KLHL13: variants seen among roughly 807,000 people sequenced by gnomAD.
KLHL13 encodes kelch like family member 13.
KLHL13 carries 10 observed loss-of-function variants against 37.1 expected under a neutral mutation model. The ratio of observed to expected loss-of-function variants is 0.27; its 90% confidence interval spans 0.17 to 0.46. The LOEUF (loss-of-function observed/expected upper bound fraction) is 0.46. KLHL13 is among the 20% of genes least tolerant of loss of function. The pLI, the probability that KLHL13 is intolerant of heterozygous loss-of-function variation, is 1.00. For synonymous variants in KLHL13, 163 were observed against 181.2 expected (o/e 0.90, Z 0.81); for missense variants, 360 against 509.3 (o/e 0.71, Z 2.82).
upstream of KLHL13, among the ~76,000 whole-genome samples, chrX:117,978,623 C>T (rs148194048): frequency 1.4e-4 from 16 of 110,741 alleles, no homozygotes; most frequent in Non-Finnish European, 1.9e-4. Flanking sequence ...AGAGACTGAG[C>T]AGAGAACAAA....
At chrX:117,901,207 T>C (rs755738018) in intron 6 of KLHL13, among the ~76,000 whole-genome samples, 2 of 111,679 alleles carry the variant, frequency 1.8e-5, no homozygotes, top group Admixed American at 9.5e-5. Context: ...GTTTTATGCA[T>C]AGGAGAACTT....
intron 1 of KLHL13, among the ~76,000 whole-genome samples, chrX:117,967,014 T>C (rs2147884156): frequency 9.0e-6 from 1 of 111,598 alleles, no homozygotes; most frequent in African/African-American, 3.3e-5. Flanking sequence ...AGACTTCATG[T>C]CTGAAACACC....
intron 1 of KLHL13, chrX:117,947,107 A>G (rs2147807828): frequency 8.9e-6 from 1 of 112,108 alleles, no homozygotes; most frequent in East Asian, 2.8e-4. Flanking sequence ...CTTTAAAGAG[A>G]ATTAAGTTAT....
rs6645426 is a variant in KLHL13, at chrX:117,950,398, C to T, written c.99-4823G>A. Among the ~76,000 whole-genome samples the T allele has an allele frequency of 7.2e-3, 794 of 110,949 alleles. 6 individuals carry two copies. Among genetic ancestry groups the T allele is most frequent in the African/African-American group, 0.023 (701 of 30,548 alleles). ...AGGGGAATCACTTGAACCTGGGGGG[C>T]GGAGGGTGCAGTGAGCCGAGACTGT... is the stretch of plus-strand genomic sequence containing the variant. On this transcript the variant is annotated intron_variant, in intron 1 of 6. Transcript: ENST00000262820.
At chrX:118,012,277 T>C (rs1338032970) in intron 1 of KLHL13, among the ~76,000 whole-genome samples, 2 of 112,179 alleles carry the variant, frequency 1.8e-5, no homozygotes, top group African/African-American at 3.2e-5. Flanking sequence ...TGATCACAAA[T>C]GGTGGCTTTA....
At chrX:117,966,922 A>G (rs1377664254) in intron 1 of KLHL13, among the ~76,000 whole-genome samples, 2 of 112,171 alleles carry the variant, frequency 1.8e-5, no homozygotes, top group Non-Finnish European at 3.8e-5. Flanking sequence ...AGATGGATTG[A>G]AGACTTAAAT....
chrX:117,939,184 T>A (rs994527298), intron 2 of KLHL13, among the ~76,000 whole-genome samples: 1 of 110,854 alleles, frequency 9.0e-6, no homozygotes, highest in African/African-American at 3.3e-5. Context: ...AGTGAGAACA[T>A]CTGGTGTTTG....
intron 5 of KLHL13, 149 bp from the exon 7 acceptor site, chrX:117,902,095 C>G (rs1224507717): frequency 7.9e-6 from 3 of 377,748 alleles, no homozygotes; most frequent in African/African-American, 7.6e-5. Flanking sequence ...TTTGGGGGAG[C>G]TCTTACAGTA....
intron 1 of KLHL13, among the ~76,000 whole-genome samples, chrX:118,101,034 T>A (rs2055282298): frequency 8.9e-6 from 1 of 111,983 alleles, no homozygotes; most frequent in African/African-American, 3.2e-5. Flanking sequence ...TCTCTCTATA[T>A]ATTAGTCGTG....
At chrX:118,011,794 C>A (rs1265909119) in intron 1 of KLHL13, among the ~76,000 whole-genome samples, 1 of 111,776 alleles carries the variant, frequency 8.9e-6, no homozygotes, top group Non-Finnish European at 1.9e-5. Context: ...GTTTACAATA[C>A]TGGGGAATCT....
chrX:117,953,039 G>C (rs1933710188), intron 1 of KLHL13, among the ~76,000 whole-genome samples: 1 of 111,192 alleles, frequency 9.0e-6, no homozygotes, highest in Admixed American at 9.5e-5. Context: ...ATTTGACCCA[G>C]CCATCCCATT....
intron 2 of KLHL13, among the ~76,000 whole-genome samples, chrX:117,922,091 G>T (rs779008324): frequency 9.0e-6 from 1 of 111,479 alleles, no homozygotes; most frequent in East Asian, 2.8e-4. Context: ...TAGAAAAGTA[G>T]AAGTAAAATA....
At chrX:117,993,431 T>C (rs1164401390) in intron 1 of KLHL13, among the ~76,000 whole-genome samples, 1 of 112,141 alleles carries the variant, frequency 8.9e-6, no homozygotes, top group Non-Finnish European at 1.9e-5. Flanking sequence ...TTTAACTTAT[T>C]TAATCCTTAC....
At chrX:117,935,533 A>T (rs1932732847) in intron 2 of KLHL13, among the ~76,000 whole-genome samples, 1 of 112,116 alleles carries the variant, frequency 8.9e-6, no homozygotes, top group Admixed American at 9.5e-5. Flanking sequence ...ATCATTCCAC[A>T]GGCTATACAG....
intron 1 of KLHL13, among the ~76,000 whole-genome samples, chrX:118,029,747 T>C (rs372395225): frequency 2.7e-4 from 30 of 111,472 alleles, no homozygotes; most frequent in East Asian, 2.0e-3. Flanking sequence ...GGCGAGCAGA[T>C]TGCTTCAGTC....
intron 1 of KLHL13, among the ~76,000 whole-genome samples, chrX:118,064,325 T>C (rs896364244): frequency 8.9e-6 from 1 of 112,018 alleles, no homozygotes; most frequent in African/African-American, 3.2e-5. Context: ...TAGCCAGTCT[T>C]TGCTTTCCTC....
intron 1 of KLHL13, among the ~76,000 whole-genome samples, chrX:118,023,229 T>C (rs975612560): frequency 8.9e-6 from 1 of 111,744 alleles, no homozygotes; most frequent in Non-Finnish European, 1.9e-5. Flanking sequence ...ATTATGTTGA[T>C]TGTGGGCATT....
At chrX:117,929,278 C>A (rs764652732) in intron 2 of KLHL13, among the ~76,000 whole-genome samples, 54 of 111,922 alleles carry the variant, frequency 4.8e-4, no homozygotes, top group African/African-American at 1.7e-3. Context: ...CAATACCCCA[C>A]AAACAAATCC....
chrX:118,018,682 C>A (rs2054157560), intron 1 of KLHL13, among the ~76,000 whole-genome samples: 1 of 111,489 alleles, frequency 9.0e-6, no homozygotes, highest in South Asian at 3.7e-4. Flanking sequence ...TGTCTTCTTT[C>A]CTGTCTCTGA....
Sources: allele counts gnomAD v4.1 joint callset (sites outside exome capture counted in the v4.1 genomes callset), GRCh38; gene constraint gnomAD v4.1.1; transcripts MANE v1.5; gene names NCBI Gene and HGNC (gene_info 2026-07-23, HGNC 2026-07-21).